The following PCDH9 variants were observed in gnomAD, a reference collection of about 807,000 sequenced individuals.
The protein encoded by PCDH9 is protocadherin-9.
Under a neutral mutation model 70.6 loss-of-function variants are expected in PCDH9, and 24 were observed. That is an observed-to-expected ratio of 0.34 (90% confidence interval 0.25 to 0.48). The LOEUF (loss-of-function observed/expected upper bound fraction) is 0.48. Among genes scored for constraint, PCDH9 ranks in the 20% least tolerant of loss-of-function variants. The pLI, the probability that PCDH9 is intolerant of heterozygous loss-of-function variation, is 0.99. For synonymous variants in PCDH9, 562 were observed against 558.5 expected, an observed-to-expected ratio of 1.01 and a Z score of -0.09; for missense variants, 1,281 against 1,503.6, an observed-to-expected ratio of 0.85 and a Z score of 2.45.
intron 4 of PCDH9, among the ~76,000 whole-genome samples, chr13:66,544,462 A>T (rs12862479): frequency 0.25 from 38,033 of 152,050 alleles, 4,985 homozygotes; most frequent in South Asian, 0.34. Flanking sequence ...ATTGGAGCTT[A>T]GGCCTTGAGG....
intron 3 of PCDH9, among the ~76,000 whole-genome samples, chr13:66,880,344 T>G (rs1224590833): frequency 1.3e-5 from 2 of 152,160 alleles, no homozygotes; most frequent in African/African-American, 4.8e-5. Flanking sequence ...GCGTAAGACA[T>G]CATCATTTGT....
chr13:67,137,353 T>C (rs1282119009), intron 2 of PCDH9, among the ~76,000 whole-genome samples: 1 of 152,112 alleles, frequency 6.6e-6, no homozygotes, highest in Non-Finnish European at 1.5e-5. Flanking sequence ...AACCTCAAAC[T>C]GTAAGCTCAA....
chr13:67,004,368 C>T (rs1392382873), intron 2 of PCDH9, among the ~76,000 whole-genome samples: 1 of 151,464 alleles, frequency 6.6e-6, no homozygotes, highest in East Asian at 2.0e-4. Flanking sequence ...GTCAGGAGTT[C>T]GAGACCAGCC....
intron 3 of PCDH9, among the ~76,000 whole-genome samples, chr13:66,757,655 G>C (rs983316329): frequency 2.0e-5 from 3 of 151,918 alleles, no homozygotes; most frequent in Non-Finnish European, 4.4e-5. Context: ...AAACGTATGA[G>C]GAAAATTACT....
chr13:67,064,203 A>G (rs2085596050), intron 2 of PCDH9, among the ~76,000 whole-genome samples: 1 of 152,176 alleles, frequency 6.6e-6, no homozygotes, highest in African/African-American at 2.4e-5. Flanking sequence ...TGGTTTCCAT[A>G]GACCCTTGTT....
intron 2 of PCDH9, among the ~76,000 whole-genome samples, chr13:67,027,533 A>G (rs2084811044): frequency 1.3e-5 from 2 of 151,892 alleles, no homozygotes; most frequent in South Asian, 4.1e-4. Context: ...CTAAAACACC[A>G]AAAGCAATGG....
At chr13:66,695,981 C>A (rs7336476) in intron 3 of PCDH9, among the ~76,000 whole-genome samples, 2,589 of 152,078 alleles carry the variant, frequency 0.017, 85 homozygotes, top group African/African-American at 0.059. Flanking sequence ...ATTTCATTTA[C>A]CATGACTCAG....
At chr13:66,600,799 A>AGTGTGTGT (rs1281855714) in intron 4 of PCDH9, among the ~76,000 whole-genome samples, 2 of 122,182 alleles carry the variant, frequency 1.6e-5, no homozygotes, top group African/African-American at 5.9e-5. Flanking sequence ...TGTGTGTGTA[A>AGTGTGTGT]GGGAGTTAAT....
At chr13:67,047,992 T>C (rs994322563) in intron 2 of PCDH9, among the ~76,000 whole-genome samples, 2 of 152,180 alleles carry the variant, frequency 1.3e-5, no homozygotes, top group African/African-American at 4.8e-5. Flanking sequence ...CTGTTTCTGA[T>C]ATTGTGTTTC....
At chr13:66,761,739 T>A (rs2079631017) in intron 3 of PCDH9, among the ~76,000 whole-genome samples, 1 of 152,198 alleles carries the variant, frequency 6.6e-6, no homozygotes, top group Non-Finnish European at 1.5e-5. Flanking sequence ...AATAGCTCTG[T>A]TAAATTTCTA....
intron 3 of PCDH9, among the ~76,000 whole-genome samples, chr13:66,901,798 A>T (rs1023045998): frequency 5.9e-5 from 9 of 151,800 alleles, no homozygotes; most frequent in African/African-American, 2.2e-4. Context: ...TACGAAAAAT[A>T]CGAAAATCTC....
intron 4 of PCDH9, among the ~76,000 whole-genome samples, chr13:66,386,448 T>A (rs1365726784): frequency 6.6e-6 from 1 of 152,154 alleles, no homozygotes; most frequent in Non-Finnish European, 1.5e-5. Context: ...TGAATTAAGT[T>A]TAGGTGGATG....
At chr13:67,223,513 T>C (rs1348770203) in intron 2 of PCDH9, 1 of 152,154 alleles carries the variant, frequency 6.6e-6, no homozygotes, top group Admixed American at 6.5e-5. Flanking sequence ...GTATTGTGAG[T>C]AACCATAACA....
chr13:66,539,803 A>C (rs1398135517), intron 4 of PCDH9, among the ~76,000 whole-genome samples: 1 of 151,240 alleles, frequency 6.6e-6, no homozygotes, highest in Non-Finnish European at 1.5e-5. Flanking sequence ...TTTCTAAGAG[A>C]TACCCAAAAT....
chr13:67,004,552 CAAA>C (rs34776193), intron 2 of PCDH9, among the ~76,000 whole-genome samples: 4 of 124,026 alleles, frequency 3.2e-5, no homozygotes, highest in Admixed American at 8.6e-5. Flanking sequence ...GACTCCGTCT[CAAA>C]AAAAAAAAAA....
chr13:66,979,910 C>T (rs1368692884), intron 2 of PCDH9, among the ~76,000 whole-genome samples: 1 of 151,952 alleles, frequency 6.6e-6, no homozygotes, highest in African/African-American at 2.4e-5. Context: ...CTTCTCCTAT[C>T]CCTCCACCTT....
intron 4 of PCDH9, among the ~76,000 whole-genome samples, chr13:66,505,401 T>C (rs1000172804): frequency 2.6e-5 from 4 of 151,926 alleles, no homozygotes; most frequent in African/African-American, 7.3e-5. Flanking sequence ...ATGAGACTTA[T>C]TCACTATCAC....
chr13:66,851,890 G>T (rs116963661), intron 3 of PCDH9, among the ~76,000 whole-genome samples: 2,671 of 152,126 alleles, frequency 0.018, 37 homozygotes, highest in Non-Finnish European at 0.028. Flanking sequence ...CAATATCAAG[G>T]TGTCAGCCAA....
At chr13:66,355,839 A>T (rs1332876304) in intron 4 of PCDH9, among the ~76,000 whole-genome samples, 1 of 152,128 alleles carries the variant, frequency 6.6e-6, no homozygotes, top group Admixed American at 6.6e-5. Flanking sequence ...GAACATAACT[A>T]CTGAAAAGAA....
Sources: gnomAD v4.1 joint callset for allele counts (sites outside exome capture counted in the v4.1 genomes callset) on GRCh38, gnomAD v4.1.1 for gene constraint, MANE v1.5 for transcripts, NCBI Gene and HGNC (gene_info 2026-07-23, HGNC 2026-07-21) for gene names.